The following KCNIP4 variants were observed in gnomAD, a reference collection of about 807,000 sequenced individuals.
KCNIP4 encodes the protein potassium voltage-gated channel interacting protein 4.
A neutral mutation model predicts 34.0 loss-of-function variants in KCNIP4; 12 were observed. The ratio of observed to expected loss-of-function variants is 0.35; its 90% CI spans 0.23 to 0.57. KCNIP4 has a LOEUF of 0.57. KCNIP4 is among the 20% of genes least tolerant of loss of function. KCNIP4 has a pLI of 0.83. For synonymous variants in KCNIP4, 124 were observed against 102.2 expected, an observed-to-expected ratio of 1.21 and a Z score of -1.29; for missense variants, 238 against 311.7, an observed-to-expected ratio of 0.76 and a Z score of 1.78.
chr4:20,966,210 G>T (rs965637828), intron 1 of KCNIP4, among the ~76,000 whole-genome samples: 1 of 152,072 alleles, frequency 6.6e-6, no homozygotes, highest in Non-Finnish European at 1.5e-5. Context: ...CCTGTAATTT[G>T]TTTAAATTTG....
chr4:21,346,814 CAATTT>C lies in KCNIP4; in HGVS notation c.62-464110_62-464106del, dbSNP rs149206796. 9.3e-3 allele frequency among the ~76,000 whole-genome samples: 1,408 copies of C among 152,118 alleles called. 18 individuals are homozygous for C. Among genetic ancestry groups the C allele is most frequent in the African/African-American group, 0.032 (1,325 of 41,508 alleles). On this transcript the variant is annotated intron_variant, in intron 1 of 8. Transcript: ENST00000382152. The stretch of plus-strand genomic sequence containing the variant: ...CGTACAACAGCAAAACTATAACATA[CAATTT>C]AAGAGAGCAACTGTAGATTTTCCAA...
At chr4:21,113,013 T>G (rs979240361) in intron 1 of KCNIP4, among the ~76,000 whole-genome samples, 8 of 152,220 alleles carry the variant, frequency 5.3e-5, no homozygotes, top group Non-Finnish European at 7.3e-5. Flanking sequence ...CTACACCTGA[T>G]GTTTTTCTAT....
At chr4:21,833,780 G>A (rs961653419) in intron 1 of KCNIP4, among the ~76,000 whole-genome samples, 1 of 152,180 alleles carries the variant, frequency 6.6e-6, no homozygotes, top group Non-Finnish European at 1.5e-5. Flanking sequence ...AAGGTGTAAG[G>A]AAGGGTTCCA....
chr4:21,463,819 C>A (rs1311802008), intron 1 of KCNIP4, among the ~76,000 whole-genome samples: 1 of 151,960 alleles, frequency 6.6e-6, no homozygotes, highest in Non-Finnish European at 1.5e-5. Flanking sequence ...TCGAATTCAC[C>A]AGCAAAGCCA....
intron 1 of KCNIP4, among the ~76,000 whole-genome samples, chr4:20,963,850 C>T (rs1230294228): frequency 1.3e-5 from 2 of 151,954 alleles, no homozygotes; most frequent in Non-Finnish European, 2.9e-5. Context: ...TGATTCTCTA[C>T]TCTCTGTTTA....
chr4:21,598,186 A>C (rs1222346142), intron 1 of KCNIP4, among the ~76,000 whole-genome samples: 1 of 152,146 alleles, frequency 6.6e-6, no homozygotes, highest in East Asian at 1.9e-4. Context: ...TACTACATGC[A>C]ACAATTTTGT....
Position 21,340,677 on chromosome 4 carries a change from GA to G in KCNIP4, c.62-457969del, listed in dbSNP as rs140619930. On this transcript the variant is annotated intron_variant, in intron 1 of 8. Coordinates refer to ENST00000382152, the MANE Select transcript of KCNIP4 (RefSeq NM_025221.6). ...TGCAACCAGAAAAACATTCTACTCT[GA>G]AAAAAAAAAAGGTATATTTCTAGTT... 5.6e-4 allele frequency among the ~76,000 whole-genome samples: 79 copies of G among 141,564 alleles called. 1 individual carries two copies. Among genetic ancestry groups the G allele is most frequent in the East Asian group, 1.6e-3 (8 of 4,864 alleles). The allele number at this position is 141,564 out of a possible 152,430, so 92.9% of individuals were successfully genotyped here.
intron 1 of KCNIP4, among the ~76,000 whole-genome samples, chr4:21,417,504 T>G (rs1560385007): frequency 6.6e-6 from 1 of 152,178 alleles, no homozygotes; most frequent in African/African-American, 2.4e-5. Flanking sequence ...ATGAGTTAGT[T>G]AAATAAAGTA....
chr4:20,880,335 A>G (rs1724540237), intron 2 of KCNIP4, among the ~76,000 whole-genome samples: 1 of 152,156 alleles, frequency 6.6e-6, no homozygotes, highest in Admixed American at 6.6e-5. Flanking sequence ...CCTGGAGGAG[A>G]AGGCGAAAAA....
chr4:21,715,425 C>T (rs1033144315), intron 1 of KCNIP4, among the ~76,000 whole-genome samples: 1 of 152,056 alleles, frequency 6.6e-6, no homozygotes, highest in Non-Finnish European at 1.5e-5. Context: ...CCACCGCGCC[C>T]AGCCTGATGT....
At chr4:21,427,341 T>G (rs1329403905) in intron 1 of KCNIP4, among the ~76,000 whole-genome samples, 1 of 152,130 alleles carries the variant, frequency 6.6e-6, no homozygotes, top group African/African-American at 2.4e-5. Flanking sequence ...AAGGCTTTTA[T>G]TTTTTCTTCA....
At chr4:21,041,056 C>A (rs1392178093) in intron 1 of KCNIP4, among the ~76,000 whole-genome samples, 2 of 151,918 alleles carry the variant, frequency 1.3e-5, no homozygotes, top group Non-Finnish European at 2.9e-5. Flanking sequence ...TAACCCCCAA[C>A]ATCCCTTTCA....
At chr4:20,947,061 C>G (rs1396653628) in intron 1 of KCNIP4, among the ~76,000 whole-genome samples, 1 of 152,168 alleles carries the variant, frequency 6.6e-6, no homozygotes, top group Non-Finnish European at 1.5e-5. Context: ...TCTTTGCTCC[C>G]CTAAGCTCCC....
At chr4:21,118,486 T>C (rs1368889825) in intron 1 of KCNIP4, among the ~76,000 whole-genome samples, 1 of 152,230 alleles carries the variant, frequency 6.6e-6, no homozygotes, top group African/African-American at 2.4e-5. Flanking sequence ...TCCTGAAGCC[T>C]TCCCATTTTG....
intron 3 of KCNIP4, among the ~76,000 whole-genome samples, chr4:20,783,517 A>G (rs1711527551): frequency 6.6e-6 from 1 of 152,132 alleles, no homozygotes; most frequent in Non-Finnish European, 1.5e-5. Context: ...AAAAGTAGAA[A>G]CCCCTGATAA....
chr4:21,389,151 A>G (rs1301723924), intron 1 of KCNIP4, among the ~76,000 whole-genome samples: 1 of 151,660 alleles, frequency 6.6e-6, no homozygotes, highest in Admixed American at 6.6e-5. Flanking sequence ...ATACCTAACT[A>G]ATTTTTTTTA....
At chr4:21,352,725 A>G (rs1245985164) in intron 1 of KCNIP4, among the ~76,000 whole-genome samples, 5 of 152,212 alleles carry the variant, frequency 3.3e-5, no homozygotes, top group Non-Finnish European at 7.3e-5. Context: ...GGCAGCAGAA[A>G]CTTCTACAGA....
chr4:20,824,845 T>C (rs191555637), intron 3 of KCNIP4, among the ~76,000 whole-genome samples: 85 of 152,306 alleles, frequency 5.6e-4, no homozygotes, highest in African/African-American at 1.9e-3. Context: ...TATTACTACT[T>C]AATACATATC....
chr4:21,031,454 A>T (rs1005286370), intron 1 of KCNIP4, among the ~76,000 whole-genome samples: 3 of 152,198 alleles, frequency 2.0e-5, no homozygotes, highest in African/African-American at 7.2e-5. Context: ...CTATTGTTTG[A>T]TTGCTATCTT....
Sources: allele counts gnomAD v4.1 joint callset (sites outside exome capture counted in the v4.1 genomes callset), GRCh38; gene constraint gnomAD v4.1.1; transcripts MANE v1.5; gene names NCBI Gene and HGNC (gene_info 2026-07-23, HGNC 2026-07-21).